The following ELAPOR2 variants were observed in gnomAD, a reference collection of about 807,000 sequenced individuals.
The protein encoded by ELAPOR2 is endosome-lysosome associated apoptosis and autophagy regulator family member 2, also known as endosome/lysosome-associated apoptosis and autophagy regulator family member 2.
Under a neutral mutation model 120.7 loss-of-function variants are expected in ELAPOR2, and 89 were observed. The ratio of observed to expected loss-of-function variants is 0.74; its 90% CI spans 0.62 to 0.88. ELAPOR2 has a LOEUF of 0.88. ELAPOR2 is among the 40% of genes least tolerant of loss of function. ELAPOR2 has a pLI of 0.00. For synonymous variants in ELAPOR2, 444 were observed against 444.9 expected (o/e 1.00, Z 0.03); for missense variants, 1,134 against 1,251.6 (o/e 0.91, Z 1.42).
intron 1 of ELAPOR2, among the ~76,000 whole-genome samples, chr7:86,978,540 C>CATTT (rs1252133966): frequency 1.3e-5 from 2 of 152,140 alleles, no homozygotes; most frequent in Admixed American, 1.3e-4. Context: ...AATAAAGGAA[C>CATTT]ATTTTCTCAG....
chr7:87,034,714 T>C (rs375471123), intron 1 of ELAPOR2, among the ~76,000 whole-genome samples: 13 of 152,200 alleles, frequency 8.5e-5, no homozygotes, highest in African/African-American at 2.2e-4. Flanking sequence ...CGTTAGGAGG[T>C]AGGGTTAAAC....
chr7:86,961,583 A>G (rs1791710720), intron 2 of ELAPOR2, among the ~76,000 whole-genome samples: 1 of 152,238 alleles, frequency 6.6e-6, no homozygotes, highest in South Asian at 2.1e-4. Context: ...ATAGCCCAGG[A>G]AACTGCTCTA....
intron 21 of ELAPOR2, 32 bp downstream of exon 21, chr7:86,891,692 C>G (rs1352783309): frequency 2.5e-6 from 4 of 1,579,000 alleles, no homozygotes; most frequent in Non-Finnish European, 3.4e-6. Context: ...TTATAAACAC[C>G]CAGTAACACC....
intron 4 of ELAPOR2, among the ~76,000 whole-genome samples, chr7:86,942,673 C>G (rs1227904934): frequency 1.3e-5 from 2 of 152,018 alleles, no homozygotes; most frequent in African/African-American, 4.8e-5. Context: ...CATGCCAATT[C>G]AAATGATTAC....
chr7:86,980,064 G>T (rs1562953293), intron 1 of ELAPOR2, among the ~76,000 whole-genome samples: 1 of 152,172 alleles, frequency 6.6e-6, no homozygotes, highest in Non-Finnish European at 1.5e-5. Flanking sequence ...CTTTGACAGA[G>T]ATATTAAAGA....
rs2116548831 is a variant in ELAPOR2, at chr7:86,980,293, G to C, written c.190-15269C>G. ...CATCAAACAGTATGTGTGAGGCAAA[G>C]CCAAGTGCCAAAAATAGCACAAGAA... On this transcript the variant is annotated intron_variant, in intron 1 of 21. Coordinates refer to ENST00000450689, the MANE Select transcript of ELAPOR2 (RefSeq NM_001142749.3). Among the ~76,000 whole-genome samples, 3 of 152,318 alleles carry C rather than the reference G, an allele frequency of 2.0e-5. No individual in the cohort carries two copies. The South Asian group carries it at 6.2e-4, about 32-fold the overall frequency.
At chr7:86,939,081 T>A (rs1790693367) in intron 6 of ELAPOR2, 121 bp from the exon 7 acceptor site, 1 of 998,002 alleles carries the variant, frequency 1.0e-6, no homozygotes, top group Non-Finnish European at 1.5e-6. Context: ...TCAGCCCAAA[T>A]CTTTTATCTT....
At chr7:87,059,280 G>T in intron 1 of ELAPOR2, 45 bp downstream of exon 1, 1 of 1,244,844 alleles carries the variant, frequency 8.0e-7, no homozygotes, top group Non-Finnish European at 1.0e-6. Flanking sequence ...CATCTTCCGC[G>T]CCCTCCCCCA....
chr7:87,050,793 T>C (rs1022644157), intron 1 of ELAPOR2, among the ~76,000 whole-genome samples: 2 of 152,088 alleles, frequency 1.3e-5, no homozygotes, highest in Non-Finnish European at 2.9e-5. Flanking sequence ...GCCCAGAAAT[T>C]ACAGGAGAAG....
intron 8 of ELAPOR2, among the ~76,000 whole-genome samples, chr7:86,930,177 T>C (rs1790264391): frequency 6.6e-6 from 1 of 151,956 alleles, no homozygotes; most frequent in Non-Finnish European, 1.5e-5. Context: ...TGTTCTAAAA[T>C]TAAATTGTGG....
intron 1 of ELAPOR2, among the ~76,000 whole-genome samples, chr7:86,993,168 G>A (rs1174893859): frequency 7.7e-5 from 11 of 142,912 alleles, no homozygotes; most frequent in East Asian, 2.1e-4. Flanking sequence ...CCCGGGAGGC[G>A]AAGGTTGCAG....
At chr7:87,049,515 C>T (rs1795044630) in intron 1 of ELAPOR2, among the ~76,000 whole-genome samples, 1 of 152,110 alleles carries the variant, frequency 6.6e-6, no homozygotes, top group Non-Finnish European at 1.5e-5. Context: ...ATCTCCTGAC[C>T]TCGTGATCCG....
intron 1 of ELAPOR2, among the ~76,000 whole-genome samples, chr7:87,004,621 T>A (rs954021154): frequency 6.6e-6 from 1 of 152,016 alleles, no homozygotes; most frequent in East Asian, 1.9e-4. Flanking sequence ...CTGTGGTGGA[T>A]TAGAGATAAC....
Position 86,918,344 on chromosome 7 carries a change from A to AC in ELAPOR2, c.1593+97_1593+98insG. Reference sequence around the variant, plus strand: ...ATAGCAAAAAAAAAAAAAAAAAAAAAAAAGGAATTCTTATCCCAACTTGCC... The same window carrying AC: ...ATAGCAAAAAAAAAAAAAAAAAAAAACAAAGGAATTCTTATCCCAACTTGCC... On this transcript the variant is annotated intron_variant, in intron 12 of 21. Coordinates refer to ENST00000450689, the MANE Select transcript of ELAPOR2 (RefSeq NM_001142749.3). The AC allele has an allele frequency of 1.0e-5, 5 of 498,146 alleles. No individual in the cohort carries two copies. The Admixed American group carries it at 1.8e-4, about 18-fold the overall frequency. 30.9% of individuals were successfully genotyped at this position (498,146 alleles called of 1,614,324 possible).
intron 8 of ELAPOR2, among the ~76,000 whole-genome samples, chr7:86,937,586 A>G (rs74473409): frequency 0.056 from 8,443 of 152,062 alleles, 798 homozygotes; most frequent in African/African-American, 0.19. Context: ...CATTTTCTCA[A>G]TGCAATTACA....
chr7:86,936,585 C>T (rs1045207315), intron 8 of ELAPOR2, among the ~76,000 whole-genome samples: 8 of 152,076 alleles, frequency 5.3e-5, no homozygotes, highest in Admixed American at 3.9e-4. Context: ...AGTACTAGCA[C>T]ATTGTTTTCT....
chr7:86,948,672 A>C (rs1791105534), intron 2 of ELAPOR2, among the ~76,000 whole-genome samples: 1 of 151,874 alleles, frequency 6.6e-6, no homozygotes, highest in Non-Finnish European at 1.5e-5. Flanking sequence ...CTTTCTGCAG[A>C]CTCTGAGAAC....
At chr7:87,043,492 C>G (rs1794850234) in intron 1 of ELAPOR2, among the ~76,000 whole-genome samples, 1 of 151,722 alleles carries the variant, frequency 6.6e-6, no homozygotes, top group East Asian at 1.9e-4. Flanking sequence ...AGCATATAAA[C>G]AGAGCCAAAG....
chr7:86,905,512 C>T (rs886078537), intron 18 of ELAPOR2, among the ~76,000 whole-genome samples: 75 of 151,992 alleles, frequency 4.9e-4, no homozygotes, highest in Non-Finnish European at 2.1e-4. Flanking sequence ...CACTTCAGTG[C>T]GCATCACAAC....
Sources: allele counts gnomAD v4.1 joint callset (sites outside exome capture counted in the v4.1 genomes callset), GRCh38; gene constraint gnomAD v4.1.1; transcripts MANE v1.5; gene names NCBI Gene and HGNC (gene_info 2026-07-23, HGNC 2026-07-21).